The following TDRD10 variants were observed in gnomAD, a reference collection of about 807,000 sequenced individuals.
The protein encoded by TDRD10 is tudor domain-containing protein 10.
A neutral mutation model predicts 48.0 loss-of-function variants in TDRD10; 40 were observed. The observed-to-expected ratio is 0.83, with a 90% CI of 0.65 to 1.09. The LOEUF (loss-of-function observed/expected upper bound fraction) is 1.09, where lower values mean the gene tolerates loss of function less well. Ranked by LOEUF, TDRD10 falls within the 50% of genes least tolerant of loss-of-function variation. The pLI is 0.00. For synonymous variants in TDRD10, 162 were observed against 170.4 expected (o/e 0.95, Z 0.38); for missense variants, 378 against 434.7 (o/e 0.87, Z 1.16).
In TDRD10 at chr1:154,521,606, G is replaced by A. The variant is rs4269769; in HGVS notation, c.369+127G>A. 28 of 1,108,816 alleles carry A rather than the reference G, an allele frequency of 2.5e-5. No homozygotes were observed. In the African/African-American group the frequency reaches 3.3e-4, roughly 13 times the overall value. 68.7% of individuals were successfully genotyped at this position (1,108,816 alleles called of 1,614,324 possible). Reference sequence around the variant, plus strand: ...ACTGTGGAGAAGAAGGCAGGGTCTCGGGTGAAGTCAGGGAACTTTTATGAC... The same window carrying A: ...ACTGTGGAGAAGAAGGCAGGGTCTCAGGTGAAGTCAGGGAACTTTTATGAC... On this transcript the variant is annotated intron_variant, in intron 6 of 12. Transcript: ENST00000368482.
At chr1:154,503,174 C>G (rs373198891) in intron 1 of TDRD10, 145 bp downstream of exon 1, 2 of 152,278 alleles carry the variant, frequency 1.3e-5, no homozygotes, top group Admixed American at 6.5e-5. Context: ...TCGCTCGCGC[C>G]GGTTGGGAGC....
intron 1 of TDRD10, among the ~76,000 whole-genome samples, chr1:154,504,198 A>G (rs376573129): frequency 2.0e-5 from 3 of 152,238 alleles, no homozygotes; most frequent in African/African-American, 4.8e-5. Context: ...AGCATGTATT[A>G]CTACTACATT....
At chr1:154,529,348 A>C (rs1694481186) in intron 6 of TDRD10, among the ~76,000 whole-genome samples, 1 of 152,174 alleles carries the variant, frequency 6.6e-6, no homozygotes, top group East Asian at 1.9e-4. Flanking sequence ...TGCTGGGATT[A>C]GTGAGCCACC....
At chr1:154,533,244 C>T (rs1389072812) in intron 6 of TDRD10, among the ~76,000 whole-genome samples, 1 of 152,062 alleles carries the variant, frequency 6.6e-6, no homozygotes, top group Non-Finnish European at 1.5e-5. Context: ...GGTGGGATCT[C>T]CTTGTTGGTG....
intron 6 of TDRD10, among the ~76,000 whole-genome samples, chr1:154,522,264 A>G (rs1185928280): frequency 6.6e-6 from 1 of 152,022 alleles, no homozygotes; most frequent in African/African-American, 2.4e-5. Flanking sequence ...TAAAAGGTGC[A>G]TTTTCCAGAA....
chr1:154,534,824 C>T (rs759714257), intron 6 of TDRD10, among the ~76,000 whole-genome samples: 5 of 150,566 alleles, frequency 3.3e-5, no homozygotes, highest in Non-Finnish European at 6.0e-5. Flanking sequence ...TGGCACAACA[C>T]GCATCCAGGC....
intron 1 of TDRD10, among the ~76,000 whole-genome samples, chr1:154,506,266 C>T (rs1257798331): frequency 6.6e-6 from 1 of 152,194 alleles, no homozygotes; most frequent in Non-Finnish European, 1.5e-5. Flanking sequence ...CTTCTAGAGG[C>T]TGCCAGCATT....
chr1:154,509,395 T>G (rs955525365), intron 4 of TDRD10, among the ~76,000 whole-genome samples: 7 of 152,160 alleles, frequency 4.6e-5, no homozygotes, highest in Admixed American at 3.3e-4. Context: ...GCTAAATGCT[T>G]TATTCATGTG....
At chr1:154,539,093 T>C (rs577680651) in intron 6 of TDRD10, among the ~76,000 whole-genome samples, 52 of 152,248 alleles carry the variant, frequency 3.4e-4, no homozygotes, top group South Asian at 2.7e-3. Flanking sequence ...CCAACCAGGA[T>C]TGGGGTCCAG....
At chr1:154,521,900 A>G (rs1410220804) in intron 6 of TDRD10, among the ~76,000 whole-genome samples, 19 of 152,288 alleles carry the variant, frequency 1.2e-4, no homozygotes, top group Admixed American at 8.5e-4. Flanking sequence ...ACGTTGCCAA[A>G]TATGAGGTAT....
intron 4 of TDRD10, among the ~76,000 whole-genome samples, chr1:154,512,586 C>T (rs577908922): frequency 9.2e-5 from 14 of 152,276 alleles, no homozygotes; most frequent in South Asian, 4.1e-4. Context: ...TCAGATGTTC[C>T]GCCTGCCTCA....
intron 4 of TDRD10, chr1:154,509,977 G>A (rs1314836917): frequency 3.5e-6 from 2 of 570,730 alleles, no homozygotes; most frequent in East Asian, 1.4e-4. Context: ...CCCACACCAT[G>A]GTAAGGGAAC....
intron 1 of TDRD10, among the ~76,000 whole-genome samples, chr1:154,503,380 G>C (rs900999354): frequency 1.3e-5 from 2 of 152,164 alleles, no homozygotes; most frequent in Non-Finnish European, 2.9e-5. Flanking sequence ...CTGAGATCAA[G>C]AGTTCGAGAC....
intron 11 of TDRD10, among the ~76,000 whole-genome samples, chr1:154,545,997 A>G (rs1570995728): frequency 7.6e-6 from 1 of 131,586 alleles, no homozygotes; most frequent in Non-Finnish European, 1.6e-5. Flanking sequence ...CTGGTCTCGA[A>G]CTCCTGACCT....
intron 11 of TDRD10, among the ~76,000 whole-genome samples, chr1:154,546,883 T>TC (rs1396369130): frequency 2.0e-5 from 3 of 152,158 alleles, no homozygotes; most frequent in Non-Finnish European, 4.4e-5. Flanking sequence ...TAGGTCTGAC[T>TC]CTTAGTGATT....
chr1:154,510,240 TAAAA>T (rs34841605), intron 4 of TDRD10, among the ~76,000 whole-genome samples: 14 of 137,728 alleles, frequency 1.0e-4, no homozygotes, highest in East Asian at 2.1e-4. Flanking sequence ...CCACATCTCT[TAAAA>T]AAAAAAAAAA....
chr1:154,523,712 C>A (rs1247920847), intron 6 of TDRD10, among the ~76,000 whole-genome samples: 1 of 152,214 alleles, frequency 6.6e-6, no homozygotes, highest in East Asian at 1.9e-4. Context: ...TTGCCCTTTT[C>A]TCACTAGGTT....
intron 6 of TDRD10, among the ~76,000 whole-genome samples, chr1:154,538,849 T>TCCCAAAAAAAAAAAAAAAAAAAAA (rs1204432238): frequency 1.0e-5 from 1 of 99,616 alleles, no homozygotes; most frequent in African/African-American, 3.3e-5. Context: ...CGAGACTCCA[T>TCCCAAAAAAAAAAAAAAAAAAAAA]CTCACGGTGC....
intron 3 of TDRD10, among the ~76,000 whole-genome samples, chr1:154,507,703 G>A (rs1377514186): frequency 6.6e-6 from 1 of 152,162 alleles, no homozygotes; most frequent in Non-Finnish European, 1.5e-5. Context: ...GACTGCTGTG[G>A]TACAGCCTTT....
Sources: gnomAD v4.1 joint callset for allele counts (sites outside exome capture counted in the v4.1 genomes callset) on GRCh38, gnomAD v4.1.1 for gene constraint, MANE v1.5 for transcripts, NCBI Gene and HGNC (gene_info 2026-07-23, HGNC 2026-07-21) for gene names.